Variants in STAT3 observed in about 807,000 individuals in gnomAD.
STAT3 encodes signal transducer and activator of transcription 3.
STAT3 carries 7 observed loss-of-function variants against 114.3 expected under a neutral mutation model. The ratio of observed to expected loss-of-function variants is 0.06; its 90% CI spans 0.03 to 0.11. STAT3 has a LOEUF of 0.11. Among genes scored for constraint, STAT3 ranks in the 10% least tolerant of loss-of-function variants. The pLI is 1.00. For synonymous variants in STAT3, 331 were observed against 354.5 expected, an observed-to-expected ratio of 0.93 and a Z score of 0.74; for missense variants, 364 against 960.9, an observed-to-expected ratio of 0.38 and a Z score of 8.21.
At chr17:42,316,696 G>T (rs774912379) in intron 23 of STAT3, 93 bp downstream of exon 23, 2 of 1,577,862 alleles carry the variant, frequency 1.3e-6, no homozygotes, top group Middle Eastern at 1.7e-4. Context: ...CTACCATTCC[G>T]AGTGACCAGC....
intron 5 of STAT3, among the ~76,000 whole-genome samples, 178 bp from the exon 6 acceptor site, chr17:42,338,990 G>A (rs1338831340): frequency 2.6e-5 from 4 of 152,126 alleles, no homozygotes; most frequent in African/African-American, 7.2e-5. Context: ...AGTGGCTCAC[G>A]CCTGTAATGC....
At chr17:42,361,884 T>C (rs146693250) in intron 1 of STAT3, among the ~76,000 whole-genome samples, 37 of 152,340 alleles carry the variant, frequency 2.4e-4, no homozygotes, top group African/African-American at 8.9e-4. Context: ...GCAATAATCC[T>C]GGTGGGAGGT....
intron 1 of STAT3, among the ~76,000 whole-genome samples, chr17:42,381,625 G>A (rs771388959): frequency 4.0e-5 from 6 of 151,616 alleles, no homozygotes; most frequent in African/African-American, 1.2e-4. Context: ...CCAGCTACTC[G>A]GGAGGCTGAG....
chr17:42,318,828 G>A (rs2081351714), intron 21 of STAT3, among the ~76,000 whole-genome samples: 1 of 152,206 alleles, frequency 6.6e-6, no homozygotes, highest in Admixed American at 6.5e-5. Flanking sequence ...GATCAATTCA[G>A]TGCAGAATTC....
chr17:42,369,417 T>C (rs779853882), intron 1 of STAT3, among the ~76,000 whole-genome samples: 2 of 152,114 alleles, frequency 1.3e-5, no homozygotes, highest in African/African-American at 2.4e-5. Context: ...TATGGCTGCA[T>C]AGTATTCCAC....
chr17:42,347,598 C>T (rs1425821581), intron 2 of STAT3, among the ~76,000 whole-genome samples: 2 of 152,190 alleles, frequency 1.3e-5, no homozygotes, highest in Non-Finnish European at 2.9e-5. Flanking sequence ...TACATCCCTG[C>T]CCAAATCTCA....
chr17:42,327,191 C>T (rs1312871405), intron 14 of STAT3, among the ~76,000 whole-genome samples: 1 of 152,182 alleles, frequency 6.6e-6, no homozygotes, highest in Non-Finnish European at 1.5e-5. Context: ...TGCCCTTCCC[C>T]AACCCCATCC....
rs148545712 is a variant in STAT3, at chr17:42,350,575, C to T, written c.-23-2036G>A. On this transcript the variant is annotated intron_variant, in intron 1 of 23. Coordinates refer to ENST00000264657, the MANE Select transcript of STAT3 (RefSeq NM_139276.3). ...GTGCTGGGATTACAGGCGTAAGCTA[C>T]CACGCCTGGCCTGGGATCAGGTTTT... Among the ~76,000 whole-genome samples, 918 of 152,278 alleles carry T rather than the reference C, an allele frequency of 6.0e-3. 1 individual carries two copies. The highest frequency in any genetic ancestry group is 0.011 in the Non-Finnish European group (727 of 68,026).
chr17:42,338,682 A>G (rs757205068), intron 6 of STAT3, 49 bp downstream of exon 6: 2 of 1,557,828 alleles, frequency 1.3e-6, no homozygotes, highest in African/African-American at 1.4e-5. Context: ...TCAACTCAAC[A>G]ACACAAACTC....
intron 1 of STAT3, among the ~76,000 whole-genome samples, chr17:42,355,789 T>G (rs2083196478): frequency 6.6e-6 from 1 of 152,176 alleles, no homozygotes; most frequent in Non-Finnish European, 1.5e-5. Flanking sequence ...AGAAACGCAG[T>G]CAAGACCACT....
At chr17:42,315,952 T>C in intron 23 of STAT3, 152 bp from the exon 24 acceptor site, 1 of 1,532,716 alleles carries the variant, frequency 6.5e-7, no homozygotes. Flanking sequence ...AAAGCCAGAT[T>C]TACCCTCCTC....
intron 1 of STAT3, among the ~76,000 whole-genome samples, chr17:42,378,722 T>C (rs1026195943): frequency 6.6e-6 from 1 of 152,218 alleles, no homozygotes; most frequent in Non-Finnish European, 1.5e-5. Context: ...ATTTCAATGC[T>C]AACTCAATGC....
At position 42,333,546 on chromosome 17, in the gene STAT3, A is replaced by T; in HGVS notation, c.1049+127T>A. The T allele has an allele frequency of 9.3e-7, 1 of 1,073,694 alleles. No homozygotes were observed. The highest frequency in any genetic ancestry group is 1.4e-6 in the Non-Finnish European group (1 of 718,624). 66.5% of individuals were successfully genotyped at this position (1,073,694 alleles called of 1,614,324 possible). A position where few individuals can be genotyped will look rare whatever the true frequency, so the allele number is the denominator to read the frequency against. ...GCAGATAGTATGGCAACAAATTTCA[A>T]CCCCGCAACAGTGTACTGCCTGTGA... On this transcript the variant is annotated intron_variant, in intron 10 of 23. Coordinates refer to ENST00000264657, the MANE Select transcript of STAT3 (RefSeq NM_139276.3). The surrounding 1 kb of genome is among the most constrained non-coding windows in gnomAD (Gnocchi z 5.2).
At chr17:42,344,064 T>C (rs775571057) in intron 4 of STAT3, among the ~76,000 whole-genome samples, 2 of 152,222 alleles carry the variant, frequency 1.3e-5, no homozygotes, top group African/African-American at 4.8e-5. Context: ...CTGAGAATAG[T>C]GTTTCACCAC....
Position 42,356,535 on chromosome 17 carries a change from A to T in STAT3, c.-23-7996T>A, listed in dbSNP as rs1167004746. ...TGTTTGTGTGTGTGTATATATATAT[A>T]TATATTTTTTTTTTTTTACATTGGA... On this transcript the variant is annotated intron_variant, in intron 1 of 23. Coordinates refer to ENST00000264657, the MANE Select transcript of STAT3 (RefSeq NM_139276.3). 4.2e-4 allele frequency among the ~76,000 whole-genome samples: 51 copies of T among 121,496 alleles called. 1 individual carries two copies. The highest frequency in any genetic ancestry group is 1.8e-3 in the African/African-American group (48 of 27,426). The allele number at this position is 121,496 out of a possible 152,430, so 79.7% of individuals were successfully genotyped here.
At chr17:42,335,799 G>C (rs2144854296) in intron 8 of STAT3, among the ~76,000 whole-genome samples, 1 of 152,210 alleles carries the variant, frequency 6.6e-6, no homozygotes, top group African/African-American at 2.4e-5. Context: ...GGAGGAGGAG[G>C]TTGCAGTAAG....
chr17:42,336,408 G>A (rs2082230382), intron 8 of STAT3, among the ~76,000 whole-genome samples: 1 of 152,062 alleles, frequency 6.6e-6, no homozygotes, highest in Admixed American at 6.6e-5. Context: ...GACCAGCCCA[G>A]GCAACAAAGT....
intron 1 of STAT3, among the ~76,000 whole-genome samples, chr17:42,386,120 A>C (rs1190463420): frequency 6.6e-6 from 1 of 152,048 alleles, no homozygotes; most frequent in African/African-American, 2.4e-5. Flanking sequence ...GTCTCTACTA[A>C]AAATACAAAA....
chr17:42,365,950 G>A (rs1349732979), intron 1 of STAT3, among the ~76,000 whole-genome samples: 9 of 151,978 alleles, frequency 5.9e-5, no homozygotes, highest in Non-Finnish European at 8.8e-5. Flanking sequence ...CACCGTGCCC[G>A]GCCTGTTAAA....
Sources: allele counts gnomAD v4.1 joint callset (sites outside exome capture counted in the v4.1 genomes callset), GRCh38; gene constraint gnomAD v4.1.1; non-coding constraint Gnocchi (gnomAD v3.1); transcripts MANE v1.5; gene names NCBI Gene and HGNC (gene_info 2026-07-23, HGNC 2026-07-21).